Variants in DOK6 observed in about 807,000 individuals in gnomAD.
DOK6 encodes downstream of tyrosine kinase 6.
Under a neutral mutation model 44.0 loss-of-function variants are expected in DOK6, and 22 were observed. That is an observed-to-expected ratio of 0.50 (90% CI 0.36 to 0.71). The LOEUF (loss-of-function observed/expected upper bound fraction) is 0.71, where lower values mean the gene tolerates loss of function less well. Among genes scored for constraint, DOK6 ranks in the 30% least tolerant of loss-of-function variants. DOK6 has a pLI of 0.00. For synonymous variants in DOK6, 166 were observed against 145.5 expected (o/e 1.14, Z -1.01); for missense variants, 340 against 416.4 (o/e 0.82, Z 1.60).
intron 1 of DOK6, among the ~76,000 whole-genome samples, chr18:69,502,803 A>G (rs909113026): frequency 3.3e-5 from 5 of 152,278 alleles, no homozygotes; most frequent in African/African-American, 9.6e-5. Context: ...AATATTACAA[A>G]TAAGTTTTCA....
chr18:69,471,220 A>G (rs984907036), intron 1 of DOK6, among the ~76,000 whole-genome samples: 1 of 131,976 alleles, frequency 7.6e-6, no homozygotes, highest in East Asian at 2.6e-4. Flanking sequence ...ATTGCACTCT[A>G]GCCTGGGCAA....
At chr18:69,601,856 G>A (rs970132298) in intron 3 of DOK6, among the ~76,000 whole-genome samples, 12 of 152,152 alleles carry the variant, frequency 7.9e-5, no homozygotes, top group Admixed American at 3.3e-4. Context: ...CAGAAAGTAA[G>A]GAAGTACCAC....
chr18:69,666,998 C>CA (rs201954634), intron 3 of DOK6, among the ~76,000 whole-genome samples: 12 of 152,276 alleles, frequency 7.9e-5, no homozygotes, highest in Non-Finnish European at 1.0e-4. Context: ...AAGGACCCCC[C>CA]CTCCCCGCCA....
chr18:69,764,926 C>T (rs1423388000), intron 7 of DOK6, among the ~76,000 whole-genome samples: 1 of 152,154 alleles, frequency 6.6e-6, no homozygotes, highest in Non-Finnish European at 1.5e-5. Context: ...TACAGACCAC[C>T]AATGTCAGCA....
intron 7 of DOK6, among the ~76,000 whole-genome samples, chr18:69,760,459 A>G (rs1979512947): frequency 6.6e-6 from 1 of 152,128 alleles, no homozygotes; most frequent in Admixed American, 6.6e-5. Context: ...CAGCAAGGGA[A>G]AGAAAAGAAG....
intron 7 of DOK6, among the ~76,000 whole-genome samples, chr18:69,792,368 T>A (rs1215648781): frequency 6.6e-6 from 1 of 152,140 alleles, no homozygotes; most frequent in African/African-American, 2.4e-5. Flanking sequence ...ATTATTCCAA[T>A]CCATGAACAT....
intron 2 of DOK6, among the ~76,000 whole-genome samples, chr18:69,584,452 G>A (rs570160459): frequency 9.0e-4 from 137 of 152,016 alleles, no homozygotes; most frequent in African/African-American, 3.2e-3. Context: ...CCACCAGCCC[G>A]GCTAACTTTT....
chr18:69,686,065 C>T lies in DOK6; in HGVS notation c.409+8212C>T, dbSNP rs140800508. Among the ~76,000 whole-genome samples the T allele has an allele frequency of 8.1e-3, 1,238 of 152,126 alleles. 16 individuals are homozygous for T. Among genetic ancestry groups the T allele is most frequent in the African/African-American group, 0.028 (1,155 of 41,516 alleles). On this transcript the variant is annotated intron_variant, in intron 4 of 7. Coordinates refer to ENST00000382713, the MANE Select transcript of DOK6 (RefSeq NM_152721.6). ...AGAGGTGAGCCCTAATCCAATATGA[C>T]TGGTGTCCTTGTAAGAAGAGGAAAT...
At chr18:69,795,193 CCTGGGT>C (rs1980709165) in intron 7 of DOK6, among the ~76,000 whole-genome samples, 1 of 151,966 alleles carries the variant, frequency 6.6e-6, no homozygotes, top group African/African-American at 2.4e-5. Flanking sequence ...AGTTCGGACA[CCTGGGT>C]TTTCAACCCA....
At chr18:69,482,389 AAC>A (rs2144531886) in intron 1 of DOK6, among the ~76,000 whole-genome samples, 1 of 150,732 alleles carries the variant, frequency 6.6e-6, no homozygotes, top group African/African-American at 2.4e-5. Flanking sequence ...ATTATCAGAA[AAC>A]TAGAGAGGGG....
At chr18:69,833,304 C>T (rs1013019739) in intron 7 of DOK6, among the ~76,000 whole-genome samples, 1 of 152,036 alleles carries the variant, frequency 6.6e-6, no homozygotes, top group African/African-American at 2.4e-5. Flanking sequence ...GAGAACATAC[C>T]TTAAAGAAAG....
chr18:69,418,621 C>G (rs986260184), intron 1 of DOK6, among the ~76,000 whole-genome samples: 1 of 151,884 alleles, frequency 6.6e-6, no homozygotes, highest in Non-Finnish European at 1.5e-5. Flanking sequence ...GCCACTTTGC[C>G]CAGCTAATTT....
At chr18:69,758,870 AAT>A (rs1979447982) in intron 7 of DOK6, among the ~76,000 whole-genome samples, 3 of 150,602 alleles carry the variant, frequency 2.0e-5, no homozygotes, top group Admixed American at 1.3e-4. Context: ...GACAAAAAGA[AAT>A]ATTTCCGTTG....
Position 69,401,084 on chromosome 18 carries a change from A to T in DOK6, c.-161A>T. On this transcript the variant is annotated 5_prime_UTR_variant, in exon 1 of 8. Transcript: ENST00000382713. The stretch of plus-strand genomic sequence containing the variant: ...CCCGTCCGCGGCGGCCCTGCAGGCG[A>T]CCCCGCGTCCCCACCGGCGGGAGCT... 9.5e-6 allele frequency: 5 copies of T among 524,842 alleles called. No individual in the cohort carries two copies. Among genetic ancestry groups the T allele is most frequent in the Non-Finnish European group, 1.1e-5 (4 of 368,050 alleles). 32.5% of individuals were successfully genotyped at this position (524,842 alleles called of 1,614,324 possible). A position where few individuals can be genotyped will look rare whatever the true frequency, so the allele number is the denominator to read the frequency against.
At chr18:69,751,847 GA>G (rs144510296) in intron 6 of DOK6, among the ~76,000 whole-genome samples, 5 of 148,632 alleles carry the variant, frequency 3.4e-5, no homozygotes, top group South Asian at 4.2e-4. Flanking sequence ...CTACAAAAAG[GA>G]AAAAAAAAGT....
intron 5 of DOK6, among the ~76,000 whole-genome samples, chr18:69,728,416 C>T (rs1476422946): frequency 6.6e-6 from 1 of 152,186 alleles, no homozygotes; most frequent in African/African-American, 2.4e-5. Context: ...TATAGCAAAG[C>T]TGACTTAATC....
At chr18:69,590,185 A>G (rs1047835729) in intron 2 of DOK6, among the ~76,000 whole-genome samples, 3 of 152,180 alleles carry the variant, frequency 2.0e-5, no homozygotes, top group African/African-American at 7.2e-5. Flanking sequence ...AAGTCTAGAT[A>G]TGCAAAGAAC....
At chr18:69,425,118 G>C in intron 1 of DOK6, among the ~76,000 whole-genome samples, 1 of 152,188 alleles carries the variant, frequency 6.6e-6, no homozygotes, top group East Asian at 1.9e-4. Context: ...CAGGCAAAAA[G>C]TGCAAGGAAG....
intron 1 of DOK6, among the ~76,000 whole-genome samples, chr18:69,416,165 GGAAGGAAGGAAGGAAC>G (rs747085888): frequency 0.089 from 7,798 of 87,752 alleles, 282 homozygotes; most frequent in Middle Eastern, 0.17. Context: ...AGGGAAGGAA[GGAAGGAAGGAAGGAAC>G]GAAGGAAGGA....
Sources: allele counts gnomAD v4.1 joint callset (sites outside exome capture counted in the v4.1 genomes callset), GRCh38; gene constraint gnomAD v4.1.1; transcripts MANE v1.5; gene names NCBI Gene and HGNC (gene_info 2026-07-23, HGNC 2026-07-21).